The following TOX variants were observed in gnomAD, a reference collection of about 807,000 sequenced individuals.
The protein encoded by TOX is thymocyte selection-associated high mobility group box protein TOX.
TOX carries 11 observed loss-of-function variants against 53.7 expected under a neutral mutation model. That is an observed-to-expected ratio of 0.20 (90% CI 0.13 to 0.34). The LOEUF (loss-of-function observed/expected upper bound fraction) is 0.34, where lower values mean the gene tolerates loss of function less well. Ranked by LOEUF, TOX falls within the 10% of genes least tolerant of loss-of-function variation. The pLI is 1.00. For synonymous variants in TOX, 225 were observed against 245.3 expected (o/e 0.92, Z 0.77); for missense variants, 570 against 664.6 (o/e 0.86, Z 1.56).
At chr8:58,810,938 G>T (rs1810067241) in intron 7 of TOX, among the ~76,000 whole-genome samples, 1 of 151,998 alleles carries the variant, frequency 6.6e-6, no homozygotes, top group Non-Finnish European at 1.5e-5. Flanking sequence ...TTAAATGAGT[G>T]ACTTCAGTTT....
intron 2 of TOX, among the ~76,000 whole-genome samples, chr8:58,959,452 T>C (rs1812764674): frequency 6.6e-6 from 1 of 152,110 alleles, no homozygotes; most frequent in African/African-American, 2.4e-5. Flanking sequence ...GCCTGAAAGC[T>C]CCTCCCCAGC....
chr8:58,884,071 C>T (rs1349643262), intron 3 of TOX, among the ~76,000 whole-genome samples: 1 of 152,084 alleles, frequency 6.6e-6, no homozygotes, highest in Non-Finnish European at 1.5e-5. Flanking sequence ...CAGGGTCCAG[C>T]TGAGGCTTCA....
intron 3 of TOX, among the ~76,000 whole-genome samples, chr8:58,928,460 G>A (rs765205751): frequency 5.3e-5 from 8 of 152,262 alleles, no homozygotes; most frequent in Non-Finnish European, 1.2e-4. Context: ...AAAGACAATG[G>A]GATCAGAGTC....
At chr8:59,005,985 C>T (rs2129418433) in intron 1 of TOX, among the ~76,000 whole-genome samples, 1 of 152,374 alleles carries the variant, frequency 6.6e-6, no homozygotes, top group African/African-American at 2.4e-5. Context: ...CCCTTGGCTG[C>T]TGTCCATGCC....
intron 7 of TOX, among the ~76,000 whole-genome samples, chr8:58,810,701 A>T (rs1810062727): frequency 6.6e-6 from 1 of 152,128 alleles, no homozygotes; most frequent in Admixed American, 6.5e-5. Flanking sequence ...TAAAAGGAAA[A>T]AAGTCTCAAA....
At chr8:58,824,053 C>G (rs768754572) in intron 6 of TOX, among the ~76,000 whole-genome samples, 1 of 152,034 alleles carries the variant, frequency 6.6e-6, no homozygotes, top group Non-Finnish European at 1.5e-5. Context: ...AATGTCAATG[C>G]TGAATGTCAA....
At chr8:59,113,120 A>T (rs1260862645) in intron 1 of TOX, among the ~76,000 whole-genome samples, 1 of 152,220 alleles carries the variant, frequency 6.6e-6, no homozygotes. Context: ...ATACATCCAC[A>T]TGCTAACCCC....
chr8:58,937,648 A>G (rs895727073), intron 3 of TOX, among the ~76,000 whole-genome samples: 1 of 152,214 alleles, frequency 6.6e-6, no homozygotes, highest in Non-Finnish European at 1.5e-5. Context: ...TGTTACTAGA[A>G]AGGAGGTAAA....
intron 3 of TOX, among the ~76,000 whole-genome samples, chr8:58,889,229 A>AAAAAAAAAAC (rs1554527519): frequency 3.5e-5 from 5 of 142,066 alleles, no homozygotes; most frequent in East Asian, 2.0e-4. Flanking sequence ...AAAAAAAAAA[A>AAAAAAAAAAC]AAACAAAAAA....
At chr8:58,894,844 C>T (rs1355339390) in intron 3 of TOX, among the ~76,000 whole-genome samples, 3 of 151,420 alleles carry the variant, frequency 2.0e-5, no homozygotes, top group Non-Finnish European at 2.9e-5. Flanking sequence ...TGCAGTGAGC[C>T]GAGATCGCGC....
At chr8:59,073,926 C>T (rs994600148) in intron 1 of TOX, among the ~76,000 whole-genome samples, 1 of 152,144 alleles carries the variant, frequency 6.6e-6, no homozygotes, top group African/African-American at 2.4e-5. Flanking sequence ...CATTACTTTT[C>T]AAAGTTCATA....
chr8:58,945,960 A>G (rs757115087), intron 2 of TOX, among the ~76,000 whole-genome samples: 1 of 152,062 alleles, frequency 6.6e-6, no homozygotes, highest in African/African-American at 2.4e-5. Flanking sequence ...GAAGAATTCA[A>G]AAGATATCAT....
intron 1 of TOX, among the ~76,000 whole-genome samples, chr8:59,105,091 GC>G (rs1370245973): frequency 6.6e-6 from 1 of 152,088 alleles, no homozygotes; most frequent in African/African-American, 2.4e-5. Flanking sequence ...CAACCCCAAA[GC>G]TTTTTAACAA....
chr8:59,064,527 G>A (rs1047147491), intron 1 of TOX, among the ~76,000 whole-genome samples: 10 of 152,186 alleles, frequency 6.6e-5, no homozygotes, highest in South Asian at 2.1e-4. Flanking sequence ...AATAAAATGC[G>A]TTAGCATATA....
intron 3 of TOX, 47 bp downstream of exon 3, chr8:58,939,255 T>C (rs144091288): frequency 6.2e-7 from 1 of 1,606,066 alleles, no homozygotes; most frequent in Non-Finnish European, 8.5e-7. Flanking sequence ...TCCTTGTCCT[T>C]ATGGTATCCC....
At chr8:58,856,678 G>A (rs999386914) in intron 3 of TOX, among the ~76,000 whole-genome samples, 9 of 151,930 alleles carry the variant, frequency 5.9e-5, no homozygotes, top group African/African-American at 2.2e-4. Flanking sequence ...CTGTGACAAT[G>A]AAATGTAAGC....
At chr8:59,008,947 C>G (rs1813845573) in intron 1 of TOX, among the ~76,000 whole-genome samples, 1 of 152,200 alleles carries the variant, frequency 6.6e-6, no homozygotes, top group South Asian at 2.1e-4. Context: ...AGGAAGATTT[C>G]AATAGATATG....
At chr8:59,059,901 T>C (rs1803949850) in intron 1 of TOX, among the ~76,000 whole-genome samples, 2 of 122,286 alleles carry the variant, frequency 1.6e-5, no homozygotes, top group African/African-American at 5.1e-5. Context: ...TTTTATGTTA[T>C]GTTGTAAAAA....
chr8:59,110,258 C>T (rs1406878867), intron 1 of TOX, among the ~76,000 whole-genome samples: 1 of 152,050 alleles, frequency 6.6e-6, no homozygotes, highest in Non-Finnish European at 1.5e-5. Flanking sequence ...ACTGCATCTG[C>T]CAAATGATAA....
Sources: gnomAD v4.1 joint callset for allele counts (sites outside exome capture counted in the v4.1 genomes callset) on GRCh38, gnomAD v4.1.1 for gene constraint, MANE v1.5 for transcripts, NCBI Gene and HGNC (gene_info 2026-07-23, HGNC 2026-07-21) for gene names.